CNTNAP5: variants seen among roughly 807,000 people sequenced by gnomAD.
The protein encoded by CNTNAP5 is contactin associated protein family member 5, also known as contactin-associated protein-like 5.
In CNTNAP5, 72 loss-of-function variants were observed where a neutral mutation model predicts 150.2. That is an observed-to-expected ratio of 0.48 (90% CI 0.40 to 0.58). CNTNAP5 has a LOEUF of 0.58. Among genes scored for constraint, CNTNAP5 ranks in the 20% least tolerant of loss-of-function variants. The probability of loss-of-function intolerance (pLI) is 0.00; values close to 1 mark genes in which losing one functional copy is unlikely to be tolerated. For missense variants in CNTNAP5, 1,636 were observed against 1,626.2 expected (o/e 1.01, Z -0.10); for synonymous variants, 672 against 619.8 (o/e 1.08, Z -1.25).
At chr2:124,652,688 T>G (rs1678348579) in intron 13 of CNTNAP5, among the ~76,000 whole-genome samples, 1 of 152,138 alleles carries the variant, frequency 6.6e-6, no homozygotes, top group African/African-American at 2.4e-5. Context: ...AGATCTCTGC[T>G]GGGAATGGGC....
At chr2:124,269,540 G>A (rs564142824) in intron 3 of CNTNAP5, among the ~76,000 whole-genome samples, 5 of 152,238 alleles carry the variant, frequency 3.3e-5, no homozygotes, top group Admixed American at 2.6e-4. Flanking sequence ...ATCGCTGGGA[G>A]AGAACAGCCA....
In CNTNAP5 at chr2:124,368,884, C is replaced by T. The variant is rs574711070; in HGVS notation, c.382-48559C>T. On this transcript the variant is annotated intron_variant, in intron 3 of 23. Coordinates refer to ENST00000682447, the MANE Select transcript of CNTNAP5 (RefSeq NM_001367498.1). ...AGACACTGGACTTAGGCAGCTCTGA[C>T]GAGAGAAGCTAAGTGGCTGGGAACT... is the stretch of plus-strand genomic sequence containing the variant. Among the ~76,000 whole-genome samples the T allele has an allele frequency of 1.6e-4, 24 of 152,202 alleles. No homozygotes were observed. In the South Asian group the frequency reaches 2.3e-3, roughly 14 times the overall value.
intron 3 of CNTNAP5, 58 bp downstream of exon 3, chr2:124,242,451 G>C: frequency 1.4e-6 from 2 of 1,462,674 alleles, no homozygotes; most frequent in Non-Finnish European, 1.9e-6. Flanking sequence ...GGTAACCAGA[G>C]TATATTTCCG....
At chr2:124,498,048 T>C (rs1216029454) in intron 7 of CNTNAP5, among the ~76,000 whole-genome samples, 1 of 152,244 alleles carries the variant, frequency 6.6e-6, no homozygotes, top group African/African-American at 2.4e-5. Context: ...ACACTATTAC[T>C]GCAATATCTC....
intron 3 of CNTNAP5, among the ~76,000 whole-genome samples, chr2:124,358,128 G>A (rs952863301): frequency 6.6e-6 from 1 of 152,154 alleles, no homozygotes; most frequent in Non-Finnish European, 1.5e-5. Context: ...GTATAAGAAT[G>A]CTTGTGATTT....
At chr2:124,533,141 G>A (rs1312704374) in intron 10 of CNTNAP5, among the ~76,000 whole-genome samples, 1 of 151,914 alleles carries the variant, frequency 6.6e-6, no homozygotes, top group Non-Finnish European at 1.5e-5. Flanking sequence ...AAATTTAGGT[G>A]CCAAGGTTAT....
chr2:124,338,611 G>A (rs189739272), intron 3 of CNTNAP5, among the ~76,000 whole-genome samples: 13 of 152,226 alleles, frequency 8.5e-5, no homozygotes, highest in Non-Finnish European at 1.5e-4. Context: ...CTGCTGATTA[G>A]TGAGATTCCT....
At chr2:124,768,952 GT>G in intron 16 of CNTNAP5, among the ~76,000 whole-genome samples, 1 of 152,226 alleles carries the variant, frequency 6.6e-6, no homozygotes, top group African/African-American at 2.4e-5. Context: ...ATTTTATTTA[GT>G]TCATATTTCT....
rs140341721 is a variant in CNTNAP5, at chr2:124,543,034, C to T, written c.1649+15578C>T. 5.0e-3 allele frequency among the ~76,000 whole-genome samples: 762 copies of T among 152,252 alleles called. 11 individuals are homozygous for T. The highest frequency in any genetic ancestry group is 0.017 in the African/African-American group (711 of 41,550). ...AGTTAAAGCCTTTCACTTCTTTTCTCATCTTGAAAACTTCCCAATGTGGTT... is the reference window on the plus strand; with the variant it reads ...AGTTAAAGCCTTTCACTTCTTTTCTTATCTTGAAAACTTCCCAATGTGGTT... On this transcript the variant is annotated intron_variant, in intron 10 of 23. Transcript: ENST00000682447.
At chr2:124,184,101 T>A (rs537353498) in intron 1 of CNTNAP5, among the ~76,000 whole-genome samples, 1 of 151,922 alleles carries the variant, frequency 6.6e-6, no homozygotes, top group Admixed American at 6.6e-5. Flanking sequence ...TCGAGGGAGG[T>A]CGAGGAGTTT....
At chr2:124,145,812 T>TAAAAAAAAAAAAAAA in intron 1 of CNTNAP5, among the ~76,000 whole-genome samples, 19 of 64,168 alleles carry the variant, frequency 3.0e-4, no homozygotes, top group South Asian at 7.3e-4. Flanking sequence ...AAAAAAACAT[T>TAAAAAAAAAAAAAAA]AAAAAAAAAA....
chr2:124,412,601 A>T (rs1281637654), intron 3 of CNTNAP5, among the ~76,000 whole-genome samples: 1 of 149,812 alleles, frequency 6.7e-6, no homozygotes, highest in African/African-American at 2.5e-5. Flanking sequence ...CTGATCTTTG[A>T]CAAACCTGAG....
intron 3 of CNTNAP5, among the ~76,000 whole-genome samples, chr2:124,266,068 G>C (rs921692497): frequency 1.3e-5 from 2 of 151,988 alleles, no homozygotes; most frequent in African/African-American, 4.8e-5. Context: ...GCTTAATCTT[G>C]CCAAAGCTTA....
chr2:124,569,058 A>AAAAT (rs1466902053), intron 11 of CNTNAP5, among the ~76,000 whole-genome samples: 3 of 151,756 alleles, frequency 2.0e-5, no homozygotes, highest in African/African-American at 7.3e-5. Flanking sequence ...AAAAGAAAAA[A>AAAAT]ATATATATAT....
intron 11 of CNTNAP5, among the ~76,000 whole-genome samples, chr2:124,574,313 G>T (rs1314704259): frequency 6.6e-6 from 1 of 152,142 alleles, no homozygotes; most frequent in East Asian, 1.9e-4. Flanking sequence ...ATTATACGTG[G>T]ATTATACATG....
intron 1 of CNTNAP5, among the ~76,000 whole-genome samples, chr2:124,204,682 A>C (rs1685817727): frequency 6.6e-6 from 1 of 152,204 alleles, no homozygotes; most frequent in Non-Finnish European, 1.5e-5. Context: ...GTGGAAGGCA[A>C]GAGAGCATGT....
intron 22 of CNTNAP5, among the ~76,000 whole-genome samples, chr2:124,903,445 A>T (rs1223226309): frequency 1.3e-5 from 2 of 152,130 alleles, no homozygotes; most frequent in Non-Finnish European, 2.9e-5. Flanking sequence ...GAGAACAGGG[A>T]GGCAGCAAGC....
At chr2:124,641,747 A>G (rs1678098887) in intron 12 of CNTNAP5, among the ~76,000 whole-genome samples, 1 of 152,202 alleles carries the variant, frequency 6.6e-6, no homozygotes, top group Admixed American at 6.5e-5. Flanking sequence ...CAGATATTTC[A>G]GTTCAATTAA....
chr2:124,731,752 G>A (rs1231342668), intron 13 of CNTNAP5, among the ~76,000 whole-genome samples: 2 of 151,832 alleles, frequency 1.3e-5, no homozygotes, highest in Non-Finnish European at 2.9e-5. Flanking sequence ...GTGTGTATGT[G>A]TATATGAGTG....
Sources: allele counts gnomAD v4.1 joint callset (sites outside exome capture counted in the v4.1 genomes callset), GRCh38; gene constraint gnomAD v4.1.1; transcripts MANE v1.5; gene names NCBI Gene and HGNC (gene_info 2026-07-23, HGNC 2026-07-21).